Variants in GRIK2 observed in about 807,000 individuals in gnomAD.
GRIK2 encodes glutamate ionotropic receptor kainate type subunit 2.
Under a neutral mutation model 100.3 loss-of-function variants are expected in GRIK2, and 32 were observed. The ratio of observed to expected loss-of-function variants is 0.32; its 90% CI spans 0.24 to 0.43. The LOEUF is 0.43. GRIK2 is among the 20% of genes least tolerant of loss of function. GRIK2 has a pLI of 1.00. For missense variants in GRIK2, 843 were observed against 1,114.9 expected (o/e 0.76, Z 3.47); for synonymous variants, 417 against 389.4 (o/e 1.07, Z -0.83).
At chr6:101,595,718 G>GTATATATATATATATATATATATA (rs370175425) in intron 2 of GRIK2, among the ~76,000 whole-genome samples, 1 of 122,328 alleles carries the variant, frequency 8.2e-6, no homozygotes, top group Non-Finnish European at 1.8e-5. Flanking sequence ...GTGTGTGTGT[G>GTATATATATATATATATATATATA]TATATATATA....
chr6:101,636,326 C>T (rs1259087701), intron 4 of GRIK2, among the ~76,000 whole-genome samples: 1 of 151,818 alleles, frequency 6.6e-6, no homozygotes, highest in Non-Finnish European at 1.5e-5. Flanking sequence ...ACAGAGGGGG[C>T]ACATCACACA....
chr6:101,403,842 G>A (rs1775461011), intron 2 of GRIK2, among the ~76,000 whole-genome samples: 1 of 152,164 alleles, frequency 6.6e-6, no homozygotes. Flanking sequence ...CACCTGCTTA[G>A]CTGAGCTGTG....
At chr6:101,978,532 T>C (rs1793533876) in intron 14 of GRIK2, among the ~76,000 whole-genome samples, 1 of 151,972 alleles carries the variant, frequency 6.6e-6, no homozygotes, top group Admixed American at 6.6e-5. Flanking sequence ...ATTACTCACT[T>C]TGTAATCATT....
intron 2 of GRIK2, among the ~76,000 whole-genome samples, chr6:101,447,069 T>C (rs1354247185): frequency 6.7e-6 from 1 of 149,110 alleles, no homozygotes; most frequent in East Asian, 1.9e-4. Context: ...ATATATATAT[T>C]ACAGTAGCCC....
chr6:101,658,976 G>T (rs769040788), intron 4 of GRIK2, among the ~76,000 whole-genome samples: 1 of 152,096 alleles, frequency 6.6e-6, no homozygotes, highest in Non-Finnish European at 1.5e-5. Flanking sequence ...TCTATAGGTT[G>T]CCTGTTCACT....
chr6:101,928,466 G>C lies in GRIK2; in HGVS notation c.1919G>C (p.Trp640Ser). 6.2e-7 allele frequency: 1 copy of C among 1,610,330 alleles called. No individual in the cohort carries two copies. The highest frequency in any genetic ancestry group is 8.5e-7 in the Non-Finnish European group (1 of 1,176,662). Residue 640 changes from tryptophan (W) to serine (S), a missense_variant, in exon 14 of 17, where the codon TGG becomes TCG. This residue lies in a region of GRIK2 where 237 missense variants were observed against 388.0 expected (regional missense o/e 0.61). Transcript: ENST00000369134. ...ALSTRIVGGI[W>S]WFFTLIIISS... ...TCCACCAGGATAGTGGGAGGCATTT[G>C]GTGGTTTTTCACACTTATCATCATT...
At chr6:101,463,210 C>T (rs1183315083) in intron 2 of GRIK2, among the ~76,000 whole-genome samples, 2 of 151,990 alleles carry the variant, frequency 1.3e-5, no homozygotes, top group Non-Finnish European at 2.9e-5. Flanking sequence ...GTTTTAGAGA[C>T]AGTATCCATA....
chr6:101,587,453 C>A (rs544164117), intron 2 of GRIK2, among the ~76,000 whole-genome samples: 1 of 152,194 alleles, frequency 6.6e-6, no homozygotes, highest in African/African-American at 2.4e-5. Flanking sequence ...ACTTACCTAC[C>A]TACCTACCCA....
intron 14 of GRIK2, among the ~76,000 whole-genome samples, chr6:102,018,928 C>CATCTA (rs71028097): frequency 0.27 from 41,058 of 151,664 alleles, 5,905 homozygotes; most frequent in East Asian, 0.34. Context: ...TATTCTGAGA[C>CATCTA]ATGTCATTTT....
chr6:101,561,316 G>A (rs555299641), intron 2 of GRIK2, among the ~76,000 whole-genome samples: 1 of 151,872 alleles, frequency 6.6e-6, no homozygotes, highest in South Asian at 2.1e-4. Flanking sequence ...ACAGAATTGG[G>A]AGCTAAAAAA....
chr6:101,615,390 G>A (rs1035261685), intron 2 of GRIK2, among the ~76,000 whole-genome samples: 4 of 151,730 alleles, frequency 2.6e-5, no homozygotes, highest in African/African-American at 9.7e-5. Flanking sequence ...GTGTTGTATG[G>A]AGAATAAGGA....
At chr6:101,438,091 CAAATGAAGGTTTAATGG>C (rs373734092) in intron 2 of GRIK2, among the ~76,000 whole-genome samples, 171 of 152,156 alleles carry the variant, frequency 1.1e-3, no homozygotes, top group African/African-American at 3.9e-3. Flanking sequence ...TATTGTCCAT[CAAATGAAGGTTTAATGG>C]GGGTATTTAT....
At chr6:101,827,261 C>A (rs910244524) in intron 10 of GRIK2, among the ~76,000 whole-genome samples, 3 of 151,770 alleles carry the variant, frequency 2.0e-5, no homozygotes, top group Non-Finnish European at 4.4e-5. Flanking sequence ...TCACTCCTGG[C>A]AAAGATTGCC....
At chr6:101,984,248 T>C in intron 14 of GRIK2, among the ~76,000 whole-genome samples, 1 of 151,838 alleles carries the variant, frequency 6.6e-6, no homozygotes, top group African/African-American at 2.4e-5. Flanking sequence ...CCATGTTCAA[T>C]TTAAATGATA....
intron 2 of GRIK2, among the ~76,000 whole-genome samples, chr6:101,517,299 C>G (rs186904339): frequency 6.6e-6 from 1 of 152,176 alleles, no homozygotes; most frequent in African/African-American, 2.4e-5. Flanking sequence ...TTAAGAAAGT[C>G]ACTTATCTTG....
intron 7 of GRIK2, among the ~76,000 whole-genome samples, chr6:101,714,801 T>C (rs1382451158): frequency 6.6e-6 from 1 of 151,804 alleles, no homozygotes; most frequent in Non-Finnish European, 1.5e-5. Context: ...AAATTATTGT[T>C]ACTTTGAATT....
chr6:101,673,739 C>A (rs956206123), intron 4 of GRIK2, among the ~76,000 whole-genome samples: 2 of 152,152 alleles, frequency 1.3e-5, no homozygotes, highest in Admixed American at 6.6e-5. Flanking sequence ...ATGATGTGTT[C>A]TTTCCAACCA....
rs189472858 is a variant in GRIK2, at chr6:101,547,875, G to C, written c.116-74074G>C. Among the ~76,000 whole-genome samples the C allele has an allele frequency of 9.3e-3, 1,420 of 152,212 alleles. 20 individuals carry two copies. Among genetic ancestry groups the C allele is most frequent in the African/African-American group, 0.032 (1,329 of 41,504 alleles). ...GGGTCAAATGGTATTTCCAGTTCTA[G>C]ATCCCTGAGGAATTGCCACACTGAC... On this transcript the variant is annotated intron_variant, in intron 2 of 16. Transcript: ENST00000369134.
intron 11 of GRIK2, among the ~76,000 whole-genome samples, chr6:101,883,363 T>C (rs574943291): frequency 9.9e-5 from 15 of 151,206 alleles, no homozygotes; most frequent in Non-Finnish European, 1.5e-4. Context: ...CCATGTGCAA[T>C]AGTGATAGTT....
Sources: gnomAD v4.1 joint callset for allele counts (sites outside exome capture counted in the v4.1 genomes callset) on GRCh38, gnomAD v4.1.1 for gene constraint, gnomAD v4.1.1 regional missense constraint, MANE v1.5 for transcripts, NCBI Gene and HGNC (gene_info 2026-07-23, HGNC 2026-07-21) for gene names.